CNGB3: variants seen among roughly 807,000 people sequenced by gnomAD.
CNGB3 encodes cyclic nucleotide gated channel subunit beta 3.
In CNGB3, 86 loss-of-function variants were observed where a neutral mutation model predicts 92.8. That is an observed-to-expected ratio of 0.93 (90% confidence interval 0.78 to 1.11). CNGB3 has a LOEUF of 1.11. Among genes scored for constraint, CNGB3 ranks in the 50% least tolerant of loss-of-function variants. The pLI is 0.00. For missense variants in CNGB3, 1,026 were observed against 956.8 expected (o/e 1.07, Z -0.95); for synonymous variants, 333 against 332.7 (o/e 1.00, Z -0.01).
chr8:86,691,043 C>G (rs1417927698), intron 3 of CNGB3, among the ~76,000 whole-genome samples: 2 of 152,164 alleles, frequency 1.3e-5, no homozygotes, highest in East Asian at 3.8e-4. Context: ...GCAATGCAGG[C>G]TCTTTTTTGG....
intron 15 of CNGB3, among the ~76,000 whole-genome samples, chr8:86,594,741 G>A (rs572107645): frequency 3.4e-4 from 49 of 145,980 alleles, no homozygotes; most frequent in Admixed American, 2.1e-3. Context: ...AAGGAGTCTC[G>A]CTCTGTCACC....
chr8:86,575,849 T>C lies in CNGB3; in HGVS notation c.2385A>G (p.Gly795=). The C allele has an allele frequency of 6.2e-7, 1 of 1,613,504 alleles. No individual in the cohort carries two copies. The highest frequency in any genetic ancestry group is 8.5e-7 in the Non-Finnish European group (1 of 1,179,878). Residue 795 remains glycine (G), a synonymous_variant, in exon 18 of 18, where the codon GGA becomes GGG. Transcript: ENST00000320005. ...IISMAPSAEG[G]EEVLTIEVKE... ...TGACTTCAATAGTAAGAACCTCTTC[T>C]CCGCCCTCAGCAGAAGGAGCCATGC...
At chr8:86,596,196 A>G (rs1387338535) in intron 15 of CNGB3, among the ~76,000 whole-genome samples, 2 of 152,262 alleles carry the variant, frequency 1.3e-5, no homozygotes, top group African/African-American at 4.8e-5. Flanking sequence ...ACTGCAAATT[A>G]AAATAACCTA....
At chr8:86,695,266 C>T (rs1007476645) in intron 3 of CNGB3, among the ~76,000 whole-genome samples, 27 of 152,046 alleles carry the variant, frequency 1.8e-4, no homozygotes, top group Non-Finnish European at 2.6e-4. Context: ...AGCTTCGGCT[C>T]GGCATCAGAG....
chr8:86,663,318 A>G (rs1029722523), intron 6 of CNGB3, among the ~76,000 whole-genome samples: 1 of 152,178 alleles, frequency 6.6e-6, no homozygotes, highest in African/African-American at 2.4e-5. Context: ...GTCATTTCCA[A>G]CTCAATTTCT....
intron 6 of CNGB3, chr8:86,660,813 T>C: frequency 6.3e-6 from 3 of 475,838 alleles, no homozygotes; most frequent in South Asian, 4.7e-5. Flanking sequence ...CCAAAGTCTA[T>C]GAATACCAAT....
intron 3 of CNGB3, among the ~76,000 whole-genome samples, chr8:86,708,487 T>C (rs181303794): frequency 6.6e-6 from 1 of 152,290 alleles, no homozygotes; most frequent in African/African-American, 2.4e-5. Context: ...GAGGGCATTA[T>C]TGACCTTGGG....
chr8:86,639,924 G>C (rs1823147739), intron 10 of CNGB3, among the ~76,000 whole-genome samples: 1 of 151,960 alleles, frequency 6.6e-6, no homozygotes, highest in Admixed American at 6.6e-5. Flanking sequence ...AATGTGAGTT[G>C]TATGATAACA....
intron 10 of CNGB3, among the ~76,000 whole-genome samples, chr8:86,640,292 T>G (rs1245135683): frequency 1.3e-5 from 2 of 152,214 alleles, no homozygotes; most frequent in Middle Eastern, 6.8e-3. Flanking sequence ...ATAAAATTTA[T>G]AGGAGGCCAT....
At chr8:86,686,073 A>G (rs1824182696) in intron 3 of CNGB3, among the ~76,000 whole-genome samples, 1 of 152,080 alleles carries the variant, frequency 6.6e-6, no homozygotes, top group South Asian at 2.1e-4. Context: ...AAAGAAGAAC[A>G]CCATATGGTA....
rs1825309090 is a variant in CNGB3 at position 86,739,688 on chromosome 8, C to A, written c.178G>T (p.Val60Phe). 6.2e-7 allele frequency: 1 copy of A among 1,606,778 alleles called. No individual in the cohort carries two copies. The highest frequency in any genetic ancestry group is 8.5e-7 in the Non-Finnish European group (1 of 1,178,026). Residue 60 changes from valine to phenylalanine, a missense_variant, in exon 2 of 18, where the codon GTC becomes TTC. By Grantham distance (50) the Val-to-Phe change is conservative (BLOSUM62 -1). Coordinates refer to ENST00000320005, the MANE Select transcript of CNGB3 (RefSeq NM_019098.5). Reference protein sequence around the residue: ...EKSLKTKSTPVTSEEPHTNIQ... With the variant: ...EKSLKTKSTPFTSEEPHTNIQ... ...TTGGTGTGTGGCTCTTCAGACGTGA[C>A]TGGAGTTGACTTGGTTTTGAGAGAT...
chr8:86,716,064 CACTT>C (rs1446084494), intron 3 of CNGB3, among the ~76,000 whole-genome samples: 3 of 152,078 alleles, frequency 2.0e-5, no homozygotes, highest in Admixed American at 6.6e-5. Flanking sequence ...ATCAAGGACA[CACTT>C]AGAGAAAAGC....
intron 15 of CNGB3, among the ~76,000 whole-genome samples, chr8:86,597,349 G>C (rs950127181): frequency 1.3e-5 from 2 of 152,178 alleles, no homozygotes; most frequent in African/African-American, 4.8e-5. Context: ...GGACATTCTG[G>C]TGCAGAGAAC....
intron 3 of CNGB3, among the ~76,000 whole-genome samples, chr8:86,689,808 C>A (rs184801893): frequency 6.6e-6 from 1 of 151,670 alleles, no homozygotes; most frequent in Non-Finnish European, 1.5e-5. Context: ...TGAGAACATG[C>A]GGTGTTTGGT....
intron 6 of CNGB3, chr8:86,659,682 A>G (rs1236695262): frequency 4.6e-6 from 2 of 433,132 alleles, no homozygotes; most frequent in East Asian, 5.9e-5. Flanking sequence ...GCCTGGCAGC[A>G]TGCTGAGTGT....
chr8:86,627,820 T>C (rs1211326539), intron 12 of CNGB3, among the ~76,000 whole-genome samples: 1 of 152,176 alleles, frequency 6.6e-6, no homozygotes, highest in African/African-American at 2.4e-5. Flanking sequence ...AGTTGACCCT[T>C]GAACAACACG....
chr8:86,616,261 A>C (rs780005901), intron 13 of CNGB3, among the ~76,000 whole-genome samples: 1 of 152,180 alleles, frequency 6.6e-6, no homozygotes, highest in Non-Finnish European at 1.5e-5. Context: ...GTATATAGTA[A>C]AAACTTAGAA....
intron 6 of CNGB3, chr8:86,657,364 C>A: frequency 2.2e-6 from 1 of 447,292 alleles, no homozygotes. Context: ...CCAAGCTTTG[C>A]TGACAGTGGC....
intron 3 of CNGB3, among the ~76,000 whole-genome samples, chr8:86,692,599 C>T (rs1824342140): frequency 6.6e-6 from 1 of 152,086 alleles, no homozygotes; most frequent in Non-Finnish European, 1.5e-5. Context: ...CACCCCTTTA[C>T]CTTAAGTTTA....
Sources: allele counts gnomAD v4.1 joint callset (sites outside exome capture counted in the v4.1 genomes callset), GRCh38; gene constraint gnomAD v4.1.1; transcripts MANE v1.5; gene names NCBI Gene and HGNC (gene_info 2026-07-23, HGNC 2026-07-21).